Variants in NR1D2 observed in about 807,000 individuals in gnomAD.
NR1D2 encodes nuclear receptor subfamily 1 group D member 2.
NR1D2 carries 25 observed loss-of-function variants against 52.2 expected under a neutral mutation model. The observed-to-expected ratio is 0.48, with a 90% confidence interval of 0.35 to 0.67. The LOEUF is 0.67. Ranked by LOEUF, NR1D2 falls within the 30% of genes least tolerant of loss-of-function variation. The pLI, the probability that NR1D2 is intolerant of heterozygous loss-of-function variation, is 0.01. For synonymous variants in NR1D2, 259 were observed against 230.1 expected, an observed-to-expected ratio of 1.13 and a Z score of -1.14; for missense variants, 681 against 707.2, an observed-to-expected ratio of 0.96 and a Z score of 0.42.
At chr3:23,965,206 A>G in intron 6 of NR1D2, 44 bp downstream of exon 6, 1 of 681,068 alleles carries the variant, frequency 1.5e-6, no homozygotes, top group East Asian at 3.8e-5. Context: ...CAGGGCATGT[A>G]GTATTTTATT....
intron 1 of NR1D2, among the ~76,000 whole-genome samples, chr3:23,950,065 G>A (rs920228147): frequency 1.3e-5 from 2 of 152,160 alleles, no homozygotes; most frequent in Non-Finnish European, 2.9e-5. Flanking sequence ...TTTCAAAGAG[G>A]TACATACTGC....
chr3:23,977,110 A>G (rs1706749279), intron 7 of NR1D2, 113 bp from the exon 8 acceptor site: 1 of 577,158 alleles, frequency 1.7e-6, no homozygotes, highest in Non-Finnish European at 2.7e-6. Flanking sequence ...ATTCAGATGT[A>G]TAAAACCTTG....
intron 1 of NR1D2, among the ~76,000 whole-genome samples, chr3:23,949,360 G>T (rs992812414): frequency 6.7e-6 from 1 of 150,332 alleles, no homozygotes; most frequent in Non-Finnish European, 1.5e-5. Context: ...GCGAAACTCC[G>T]TCTGAAAAAA....
intron 5 of NR1D2, 26 bp from the exon 6 acceptor site, chr3:23,964,949 AAG>A: frequency 6.8e-7 from 1 of 1,479,366 alleles, no homozygotes. Context: ...CTTAGTATTT[AAG>A]AGTTTTTCCG....
At position 23,978,570 on chromosome 3, in the gene NR1D2, TCTTAC is replaced by T. The variant is rs1418623662; in HGVS notation, c.*1155_*1159del. On this transcript the variant is annotated 3_prime_UTR_variant, in exon 8 of 8. Coordinates refer to ENST00000312521, the MANE Select transcript of NR1D2 (RefSeq NM_005126.5). ...TAGTTGTTTAAAAGTTGATTCATATTCTTACCTTGTGCTGAGAAAGGTTGCATTGC... is the reference window on the plus strand; with the variant it reads ...TAGTTGTTTAAAAGTTGATTCATATTCTTGTGCTGAGAAAGGTTGCATTGC... The T allele has an allele frequency of 6.6e-6, 1 of 152,184 alleles. No homozygotes were observed. Among genetic ancestry groups the T allele is most frequent in the Non-Finnish European group, 1.5e-5 (1 of 68,014 alleles). The allele number at this position is 152,184 out of a possible 1,614,324, so 9.4% of individuals were successfully genotyped here.
chr3:23,952,437 C>A (rs554561936), intron 1 of NR1D2, among the ~76,000 whole-genome samples: 1 of 151,896 alleles, frequency 6.6e-6, no homozygotes, highest in South Asian at 2.1e-4. Context: ...GGGCTGGGCA[C>A]GGTGGCTCAC....
chr3:23,956,133 A>G lies in NR1D2; in HGVS notation c.372+8A>G, dbSNP rs2125286535. The G allele has an allele frequency of 3.1e-6, 5 of 1,608,978 alleles. No individual in the cohort carries two copies. The highest frequency in any genetic ancestry group is 1.1e-5 in the South Asian group (1 of 90,994). On this transcript the variant is annotated splice_region_variant and intron_variant, in intron 3 of 7. Transcript: ENST00000312521. ...GCTTGCGAAGGCTGTAAGGTAAAGC[A>G]TGCTTTTGTTTCTTTAAGCTACTGA...
At chr3:23,965,185 A>G (rs1318193673) in intron 6 of NR1D2, 23 bp downstream of exon 6, 3 of 1,352,870 alleles carry the variant, frequency 2.2e-6, no homozygotes, top group Non-Finnish European at 3.0e-6. Context: ...TATCCTGAAT[A>G]TTGATGCAGG....
At chr3:23,976,826 C>T (rs1706736745) in intron 7 of NR1D2, among the ~76,000 whole-genome samples, 1 of 152,136 alleles carries the variant, frequency 6.6e-6, no homozygotes, top group Non-Finnish European at 1.5e-5. Flanking sequence ...GGCTGCCTAC[C>T]ACACATGGTG....
intron 3 of NR1D2, 59 bp downstream of exon 3, chr3:23,956,184 A>G: frequency 7.4e-7 from 1 of 1,352,504 alleles, no homozygotes; most frequent in South Asian, 1.2e-5. Context: ...AGTTGGGTTT[A>G]GATTTACCCA....
intron 3 of NR1D2, among the ~76,000 whole-genome samples, chr3:23,957,383 T>C (rs900266961): frequency 7.7e-6 from 1 of 129,218 alleles, no homozygotes. Context: ...TCTCCTTCTC[T>C]ATATATCTTT....
intron 7 of NR1D2, among the ~76,000 whole-genome samples, chr3:23,975,935 G>A (rs1431103016): frequency 6.6e-6 from 1 of 152,086 alleles, no homozygotes; most frequent in Non-Finnish European, 1.5e-5. Context: ...GTAAAAAAAC[G>A]AAAGGGCATG....
At chr3:23,946,074 A>C in intron 1 of NR1D2, 9 of 982,448 alleles carry the variant, frequency 9.2e-6, no homozygotes, top group Non-Finnish European at 1.1e-5. Flanking sequence ...GCCTCCCGGG[A>C]GGCTCCGCCC....
chr3:23,977,690 CTT>C lies in NR1D2; in HGVS notation c.*275_*276del. 1 of 259,978 alleles carries C rather than the reference CTT, an allele frequency of 3.8e-6. No individual in the cohort carries two copies. Among genetic ancestry groups the C allele is most frequent in the Non-Finnish European group, 7.2e-6 (1 of 138,428 alleles). The allele number at this position is 259,978 out of a possible 1,614,324, so 16.1% of individuals were successfully genotyped here. On this transcript the variant is annotated 3_prime_UTR_variant, in exon 8 of 8. Transcript: ENST00000312521. The stretch of plus-strand genomic sequence containing the variant: ...AAGTATAATCACACTGAATGTTAGA[CTT>C]TTTCATCTGCCAAAACCAAAAACCA...
chr3:23,972,474 T>A (rs955312465), intron 7 of NR1D2, among the ~76,000 whole-genome samples: 9 of 152,188 alleles, frequency 5.9e-5, no homozygotes, highest in Non-Finnish European at 8.8e-5. Flanking sequence ...GTAAGTTTCT[T>A]TTCAGGTTGT....
rs370296084 is a variant in NR1D2 at position 23,963,206 on chromosome 3, C to T, written c.1146+601C>T. 1.5e-5 allele frequency: 18 copies of T among 1,198,278 alleles called. No homozygotes were observed. In the African/African-American group the frequency reaches 1.6e-4, roughly 10 times the overall value. The allele number at this position is 1,198,278 out of a possible 1,614,324, so 74.2% of individuals were successfully genotyped here. ...AGCTTTTCTATTTTTCCATCAAATA[C>T]GACATTCTACATCAAAGTACAGTGT... is the stretch of plus-strand genomic sequence containing the variant. On this transcript the variant is annotated intron_variant, in intron 5 of 7. Coordinates refer to ENST00000312521, the MANE Select transcript of NR1D2 (RefSeq NM_005126.5).
intron 7 of NR1D2, among the ~76,000 whole-genome samples, chr3:23,971,929 A>T (rs1235638164): frequency 1.3e-5 from 2 of 152,242 alleles, no homozygotes; most frequent in African/African-American, 2.4e-5. Flanking sequence ...AATAGTACTT[A>T]CAGTGTTCAC....
chr3:23,954,504 ATC>A, intron 1 of NR1D2, 31 bp from the exon 2 acceptor site: 1 of 1,584,674 alleles, frequency 6.3e-7, no homozygotes, highest in Non-Finnish European at 8.6e-7. Context: ...ATTATCTTGT[ATC>A]TAATTATGTG....
At chr3:23,969,222 G>T (rs957515908) in intron 7 of NR1D2, among the ~76,000 whole-genome samples, 1 of 151,686 alleles carries the variant, frequency 6.6e-6, no homozygotes, top group Non-Finnish European at 1.5e-5. Flanking sequence ...GGAGGCAGAG[G>T]TGGCCGTGAG....
Sources: allele counts gnomAD v4.1 joint callset (sites outside exome capture counted in the v4.1 genomes callset), GRCh38; gene constraint gnomAD v4.1.1; transcripts MANE v1.5; gene names NCBI Gene and HGNC (gene_info 2026-07-23, HGNC 2026-07-21).